ARHGAP22: variants seen among roughly 807,000 people sequenced by gnomAD.
ARHGAP22 encodes the protein Rho GTPase activating protein 22.
A neutral mutation model predicts 59.1 loss-of-function variants in ARHGAP22; 48 were observed. The observed-to-expected ratio is 0.81, with a 90% CI of 0.64 to 1.03. The LOEUF (loss-of-function observed/expected upper bound fraction) is 1.03, where lower values mean the gene tolerates loss of function less well. ARHGAP22 is among the 50% of genes least tolerant of loss of function. ARHGAP22 has a pLI of 0.00. For missense variants in ARHGAP22, 1,015 were observed against 958.7 expected, an observed-to-expected ratio of 1.06 and a Z score of -0.78; for synonymous variants, 445 against 416.4, an observed-to-expected ratio of 1.07 and a Z score of -0.84.
At chr10:48,524,073 C>A (rs1224782784) in intron 3 of ARHGAP22, 1 of 1,475,400 alleles carries the variant, frequency 6.8e-7, no homozygotes, top group East Asian at 2.9e-5. Context: ...TCGCAGGTGT[C>A]CCCTCCAGTC....
intron 2 of ARHGAP22, among the ~76,000 whole-genome samples, chr10:48,559,853 A>T (rs2057570529): frequency 6.6e-6 from 1 of 152,240 alleles, no homozygotes; most frequent in South Asian, 2.1e-4. Context: ...CATCTTTTAT[A>T]GTAAATCTTT....
chr10:48,569,588 G>C (rs2014513), intron 2 of ARHGAP22, among the ~76,000 whole-genome samples: 60,251 of 152,012 alleles, frequency 0.4, 13,544 homozygotes, highest in East Asian at 0.89. Flanking sequence ...AGTTTTCTAC[G>C]TATTACTGTA....
chr10:48,548,144 T>C (rs1002835886), intron 3 of ARHGAP22, among the ~76,000 whole-genome samples: 1 of 152,092 alleles, frequency 6.6e-6, no homozygotes, highest in African/African-American at 2.4e-5. Context: ...CCAGGCGAGA[T>C]TCAACCTTCC....
At chr10:48,541,397 G>A (rs906396714) in intron 3 of ARHGAP22, among the ~76,000 whole-genome samples, 7 of 152,128 alleles carry the variant, frequency 4.6e-5, no homozygotes, top group East Asian at 1.9e-4. Context: ...CTTCCTGCCC[G>A]GTGCGCTATC....
intron 3 of ARHGAP22, among the ~76,000 whole-genome samples, chr10:48,480,366 A>G (rs897682172): frequency 7.2e-5 from 11 of 152,250 alleles, no homozygotes; most frequent in Admixed American, 2.6e-4. Context: ...TTGCTTGTGA[A>G]CTGACTTTCC....
At chr10:48,634,748 C>A (rs1304429879) in intron 1 of ARHGAP22, among the ~76,000 whole-genome samples, 1 of 152,112 alleles carries the variant, frequency 6.6e-6, no homozygotes, top group Non-Finnish European at 1.5e-5. Flanking sequence ...TGAAGCCTAA[C>A]CCCCACCGCC....
upstream of ARHGAP22, among the ~76,000 whole-genome samples, chr10:48,655,050 CTT>C (rs1164434738): frequency 2.5e-5 from 1 of 39,670 alleles, no homozygotes; most frequent in African/African-American, 1.0e-4. Flanking sequence ...TTCTTTCTTT[CTT>C]TCTCCTTCCT....
chr10:48,615,274 G>A (rs2061037251), intron 1 of ARHGAP22, among the ~76,000 whole-genome samples: 1 of 152,162 alleles, frequency 6.6e-6, no homozygotes, highest in African/African-American at 2.4e-5. Context: ...CACCCACACA[G>A]CAAAAATATG....
Position 48,642,464 on chromosome 10 carries a change from C to T in ARHGAP22, c.52+9770G>A, listed in dbSNP as rs562247570. On this transcript the variant is annotated intron_variant, in intron 1 of 9. Transcript: ENST00000435790. ...CTACAACCATCTGATCTTTGACAAA[C>T]CTGAGAAAAACAAGCAATGGGGAAA... 1.9e-4 allele frequency among the ~76,000 whole-genome samples: 29 copies of T among 152,244 alleles called. No homozygotes were observed. The South Asian group carries it at 6.0e-3, about 32-fold the overall frequency.
intron 1 of ARHGAP22, among the ~76,000 whole-genome samples, chr10:48,621,648 G>A (rs1280731798): frequency 1.3e-5 from 2 of 152,154 alleles, no homozygotes; most frequent in African/African-American, 4.8e-5. Flanking sequence ...GCATGGAGTG[G>A]TGCCTGTAGA....
intron 3 of ARHGAP22, among the ~76,000 whole-genome samples, chr10:48,526,831 G>A (rs1329624808): frequency 6.6e-6 from 1 of 152,220 alleles, no homozygotes; most frequent in African/African-American, 2.4e-5. Flanking sequence ...TTTCAAAGCG[G>A]CTTTAAATAT....
chr10:48,458,449 C>T (rs964446930), intron 5 of ARHGAP22, among the ~76,000 whole-genome samples: 1 of 152,188 alleles, frequency 6.6e-6, no homozygotes, highest in South Asian at 2.1e-4. Context: ...GTGGAGACCC[C>T]CCCAGCAGGA....
chr10:48,613,138 C>T (rs1431440931), intron 1 of ARHGAP22, among the ~76,000 whole-genome samples: 1 of 152,226 alleles, frequency 6.6e-6, no homozygotes, highest in Non-Finnish European at 1.5e-5. Context: ...TGCACATGTG[C>T]TGCCTTGCTT....
intron 4 of ARHGAP22, among the ~76,000 whole-genome samples, chr10:48,475,511 C>T (rs149250712): frequency 7.9e-5 from 12 of 152,280 alleles, no homozygotes; most frequent in East Asian, 1.9e-4. Flanking sequence ...CTGCAGTTCC[C>T]GTAGTCTTTC....
intron 1 of ARHGAP22, among the ~76,000 whole-genome samples, chr10:48,650,743 T>C (rs1051046692): frequency 1.3e-5 from 2 of 152,194 alleles, no homozygotes; most frequent in East Asian, 1.9e-4. Flanking sequence ...CAAGTGACTG[T>C]TCCTTCCAAG....
At chr10:48,599,569 C>G (rs187075823) in intron 1 of ARHGAP22, among the ~76,000 whole-genome samples, 1 of 152,322 alleles carries the variant, frequency 6.6e-6, no homozygotes, top group Admixed American at 6.5e-5. Flanking sequence ...AAAATAGCAG[C>G]CAAATCTGGG....
the ARHGAP22 span, chr10:48,431,135 C>A: frequency 9.5e-7 from 1 of 1,047,974 alleles, no homozygotes; most frequent in Non-Finnish European, 1.5e-6. Context: ...ACCATACATG[C>A]GTTGTGAGAT....
rs1199457978 is a variant in ARHGAP22, at chr10:48,450,610, C to G, written c.1519G>C (p.Val507Leu). 1.3e-6 allele frequency: 2 copies of G among 1,548,236 alleles called. No individual in the cohort carries two copies. Among genetic ancestry groups the G allele is most frequent in the Middle Eastern group, 1.7e-4 (1 of 5,984 alleles). ...APGLVPGIPSVASMAWSGASS... is the reference protein window; with the variant it reads ...APGLVPGIPSLASMAWSGASS... ...GCCCCGGACCACGCCATACTGGCCA[C>G]GCTGGGTATGCCGGGGACCAGGCCC... is the stretch of plus-strand genomic sequence containing the variant. Residue 507 changes from valine (V) to leucine (L), a missense_variant, in exon 9 of 10, where the codon GTG (valine) becomes CTG (leucine). Val to Leu is a conservative substitution (Grantham distance 32). Coordinates refer to ENST00000249601, the MANE Select transcript of ARHGAP22 (RefSeq NM_021226.4).
intron 3 of ARHGAP22, among the ~76,000 whole-genome samples, chr10:48,499,344 G>A (rs2051275664): frequency 6.6e-6 from 1 of 152,238 alleles, no homozygotes; most frequent in African/African-American, 2.4e-5. Flanking sequence ...GGCAGGCCTC[G>A]CTGGCTTGCT....
Sources: allele counts gnomAD v4.1 joint callset (sites outside exome capture counted in the v4.1 genomes callset), GRCh38; gene constraint gnomAD v4.1.1; transcripts MANE v1.5; gene names NCBI Gene and HGNC (gene_info 2026-07-23, HGNC 2026-07-21).